The following EXOC2 variants were observed in gnomAD, a reference collection of about 807,000 sequenced individuals.
EXOC2 encodes exocyst complex component 2.
Under a neutral mutation model 131.8 loss-of-function variants are expected in EXOC2, and 70 were observed. The observed-to-expected ratio is 0.53, with a 90% CI of 0.44 to 0.65. The LOEUF is 0.65. Among genes scored for constraint, EXOC2 ranks in the 30% least tolerant of loss-of-function variants. The pLI is 0.00. For synonymous variants in EXOC2, 411 were observed against 398.4 expected, an observed-to-expected ratio of 1.03 and a Z score of -0.38; for missense variants, 923 against 1,108.6, an observed-to-expected ratio of 0.83 and a Z score of 2.38.
chr6:651,224 G>A (rs188360126), intron 1 of EXOC2, among the ~76,000 whole-genome samples: 17 of 149,890 alleles, frequency 1.1e-4, no homozygotes, highest in African/African-American at 3.2e-4. Flanking sequence ...TAATAGAGAC[G>A]GGGTTTCACT....
At chr6:489,109 C>A in intron 26 of EXOC2, 71 bp from the exon 27 acceptor site, 1 of 1,427,720 alleles carries the variant, frequency 7.0e-7, no homozygotes. Flanking sequence ...CTTAAGCATC[C>A]CTTAATTATT....
In EXOC2 at chr6:507,025, CAGCAGTGACCACACACACACACACACAG is replaced by C. The variant is rs1311629423; in HGVS notation, c.2381-7353_2381-7326del. ...ATAGCAGGGACTACACACACACACA[CAGCAGTGACCACACACACACACACACAG>C]AGCAGTGATCCCACACACACACACA... On this transcript the variant is annotated intron_variant, in intron 23 of 27. Coordinates refer to ENST00000230449, the MANE Select transcript of EXOC2 (RefSeq NM_018303.6). 4.1e-4 allele frequency among the ~76,000 whole-genome samples: 62 copies of C among 151,386 alleles called. 1 individual carries two copies. The South Asian group carries it at 0.012, about 30-fold the overall frequency.
At chr6:556,163 T>C in intron 18 of EXOC2, 150 bp from the exon 19 acceptor site, 1 of 725,718 alleles carries the variant, frequency 1.4e-6, no homozygotes, top group East Asian at 2.6e-5. Context: ...GTGGGCCTAC[T>C]GGGAGGTGTT....
Position 518,038 on chromosome 6 carries a change from C to T in EXOC2, c.2380+14431G>A, listed in dbSNP as rs1460508827. 2.0e-5 allele frequency among the ~76,000 whole-genome samples: 3 copies of T among 152,190 alleles called. No homozygotes were observed. In the East Asian group the frequency reaches 5.8e-4, roughly 29 times the overall value. ...ACCAAAAGTAATGTGTGGACCTTGA[C>T]TGAATCCTGATACGAACAAACTGTC... On this transcript the variant is annotated intron_variant, in intron 23 of 27. Transcript: ENST00000230449.
intron 1 of EXOC2, among the ~76,000 whole-genome samples, chr6:662,122 T>C (rs1228240336): frequency 6.6e-6 from 1 of 152,134 alleles, no homozygotes; most frequent in Non-Finnish European, 1.5e-5. Context: ...TAAACATATA[T>C]GCACTAAAAC....
intron 22 of EXOC2, among the ~76,000 whole-genome samples, chr6:539,989 A>C (rs1219051509): frequency 6.6e-6 from 1 of 152,266 alleles, no homozygotes; most frequent in Non-Finnish European, 1.5e-5. Context: ...TCCTAGGAGA[A>C]GTATTAACAC....
chr6:563,849 AT>A (rs1757824984), intron 16 of EXOC2, among the ~76,000 whole-genome samples, 183 bp downstream of exon 16: 1 of 152,166 alleles, frequency 6.6e-6, no homozygotes, highest in South Asian at 2.1e-4. Flanking sequence ...CATGGTCTTA[AT>A]TCTCAACAAT....
intron 6 of EXOC2, among the ~76,000 whole-genome samples, chr6:614,174 G>A (rs529515169): frequency 1.3e-5 from 2 of 152,122 alleles, no homozygotes; most frequent in Admixed American, 1.3e-4. Context: ...TTGTTTGCCT[G>A]TGGACCACGG....
intron 22 of EXOC2, 97 bp downstream of exon 22, chr6:549,078 G>A (rs1292553488): frequency 6.3e-6 from 6 of 951,320 alleles, no homozygotes; most frequent in South Asian, 2.9e-5. Flanking sequence ...GGCACGCAGA[G>A]GGAATGGGCA....
intron 23 of EXOC2, among the ~76,000 whole-genome samples, chr6:514,805 G>A (rs1246700218): frequency 3.9e-5 from 6 of 152,230 alleles, no homozygotes; most frequent in Non-Finnish European, 8.8e-5. Flanking sequence ...GGCAGGCCCT[G>A]GGTCAAGCCC....
intron 13 of EXOC2, among the ~76,000 whole-genome samples, chr6:568,409 G>T (rs1442220678): frequency 2.6e-5 from 4 of 152,184 alleles, no homozygotes; most frequent in Admixed American, 2.0e-4. Flanking sequence ...GTCTCGAGCC[G>T]GCTGGCATTC....
In EXOC2 at chr6:592,521, C is replaced by A; in HGVS notation, c.1140G>T (p.Trp380Cys). 6.2e-7 allele frequency: 1 copy of A among 1,614,056 alleles called. No individual in the cohort carries two copies. Among genetic ancestry groups the A allele is most frequent in the Non-Finnish European group, 8.5e-7 (1 of 1,180,014 alleles). ...TGCAACTGTGCATGAGCTGAAGGATCCACTTGTGTTGGGCTCCAATGCATT... is the reference window on the plus strand; with the variant it reads ...TGCAACTGTGCATGAGCTGAAGGATACACTTGTGTTGGGCTCCAATGCATT... ...AWQCIGAQHK[W>C]ILQLMHSCKE... Residue 380 changes from tryptophan (W) to cysteine (C), a missense_variant, in exon 11 of 28, where the codon TGG becomes TGT. Transcript: ENST00000230449.
chr6:632,607 A>T (rs1252690209), intron 3 of EXOC2, among the ~76,000 whole-genome samples: 2 of 152,210 alleles, frequency 1.3e-5, no homozygotes, highest in African/African-American at 2.4e-5. Flanking sequence ...TTCACCTCAA[A>T]CCTTGTTTAA....
chr6:587,477 C>T (rs1759275723), intron 11 of EXOC2, among the ~76,000 whole-genome samples: 1 of 152,170 alleles, frequency 6.6e-6, no homozygotes, highest in Admixed American at 6.5e-5. Context: ...ATCTCCTGAC[C>T]TCATGGTCCG....
chr6:511,870 C>T (rs779442490), intron 23 of EXOC2, among the ~76,000 whole-genome samples: 9 of 152,214 alleles, frequency 5.9e-5, no homozygotes, highest in Non-Finnish European at 1.2e-4. Flanking sequence ...TCTGTTCTCC[C>T]GTCTTCAGTA....
intron 16 of EXOC2, among the ~76,000 whole-genome samples, chr6:563,300 C>T (rs1029502183): frequency 6.6e-6 from 1 of 152,170 alleles, no homozygotes; most frequent in East Asian, 1.9e-4. Context: ...CTCAAACCTT[C>T]GGCCTTGGGG....
At chr6:690,742 TTTTAAG>T (rs759422960) in intron 1 of EXOC2, among the ~76,000 whole-genome samples, 9 of 152,196 alleles carry the variant, frequency 5.9e-5, no homozygotes, top group Non-Finnish European at 1.3e-4. Flanking sequence ...TTACAATTAC[TTTTAAG>T]TTTGTGTATT....
chr6:673,160 G>A (rs372005604), intron 1 of EXOC2, among the ~76,000 whole-genome samples: 1 of 149,238 alleles, frequency 6.7e-6, no homozygotes, highest in South Asian at 2.1e-4. Flanking sequence ...TACTCATGAG[G>A]CTGAGGCAGG....
chr6:508,961 T>C (rs1764710613), intron 23 of EXOC2, among the ~76,000 whole-genome samples: 1 of 152,266 alleles, frequency 6.6e-6, no homozygotes, highest in South Asian at 2.1e-4. Context: ...TTCTGGATTT[T>C]GGCCATTCTA....
Sources: gnomAD v4.1 joint callset for allele counts (sites outside exome capture counted in the v4.1 genomes callset) on GRCh38, gnomAD v4.1.1 for gene constraint, MANE v1.5 for transcripts, NCBI Gene and HGNC (gene_info 2026-07-23, HGNC 2026-07-21) for gene names.